Variants in CSMD1 observed in about 807,000 individuals in gnomAD.
The protein encoded by CSMD1 is CUB and sushi domain-containing protein 1.
CSMD1 carries 213 observed loss-of-function variants against 417.5 expected under a neutral mutation model. That is an observed-to-expected ratio of 0.51 (90% CI 0.46 to 0.57). The LOEUF (loss-of-function observed/expected upper bound fraction) is 0.57, where lower values mean the gene tolerates loss of function less well. Ranked by LOEUF, CSMD1 falls within the 20% of genes least tolerant of loss-of-function variation. The pLI, the probability that CSMD1 is intolerant of heterozygous loss-of-function variation, is 0.00. For synonymous variants in CSMD1, 2,862 were observed against 1,736.8 expected (o/e 1.65, Z -16.11); for missense variants, 6,923 against 4,529.7 (o/e 1.53, Z -15.17).
At chr8:3,874,122 G>A (rs534976959) in intron 5 of CSMD1, among the ~76,000 whole-genome samples, 5 of 152,238 alleles carry the variant, frequency 3.3e-5, no homozygotes, top group African/African-American at 9.6e-5. Context: ...CTCTCTCCAG[G>A]AGGCCTACCC....
At chr8:4,406,111 G>C (rs114921703) in intron 3 of CSMD1, among the ~76,000 whole-genome samples, 6 of 152,198 alleles carry the variant, frequency 3.9e-5, no homozygotes, top group Non-Finnish European at 5.9e-5. Flanking sequence ...ATTTCACAGC[G>C]GAACCAAACA....
At chr8:4,979,660 G>C (rs931108749) in intron 1 of CSMD1, among the ~76,000 whole-genome samples, 3 of 152,202 alleles carry the variant, frequency 2.0e-5, no homozygotes, top group African/African-American at 7.2e-5. Context: ...AAATATGTTG[G>C]TGTGGTGAAA....
intron 3 of CSMD1, among the ~76,000 whole-genome samples, chr8:4,259,087 G>A (rs151189998): frequency 1.3e-5 from 2 of 152,254 alleles, no homozygotes; most frequent in East Asian, 3.9e-4. Context: ...TGATTTTGAT[G>A]TAGCATTTAC....
chr8:4,884,108 G>A (rs1396147201), intron 1 of CSMD1, among the ~76,000 whole-genome samples: 2 of 151,964 alleles, frequency 1.3e-5, no homozygotes, highest in Admixed American at 6.6e-5. Context: ...TTTCCAGAAG[G>A]TGATCTGTCT....
intron 2 of CSMD1, among the ~76,000 whole-genome samples, chr8:4,590,387 A>G (rs1423025523): frequency 2.0e-5 from 3 of 152,274 alleles, no homozygotes; most frequent in South Asian, 2.1e-4. Context: ...ACATGCGAAG[A>G]TACTGAAAGG....
chr8:4,138,399 C>CGTAA (rs1803569401), intron 3 of CSMD1, among the ~76,000 whole-genome samples: 1 of 151,572 alleles, frequency 6.6e-6, no homozygotes, highest in Non-Finnish European at 1.5e-5. Context: ...TGCCTCCTTA[C>CGTAA]GTCCAGTTCT....
intron 1 of CSMD1, among the ~76,000 whole-genome samples, chr8:4,757,907 C>T (rs1033180269): frequency 6.2e-5 from 9 of 144,956 alleles, no homozygotes; most frequent in Non-Finnish European, 8.9e-5. Flanking sequence ...TGAAGGGAGC[C>T]GACATTGTGC....
intron 10 of CSMD1, among the ~76,000 whole-genome samples, chr8:3,540,287 G>T (rs1047758592): frequency 6.6e-6 from 1 of 152,166 alleles, no homozygotes; most frequent in African/African-American, 2.4e-5. Flanking sequence ...TTGGCAAACA[G>T]AGTTGAATAG....
chr8:4,917,812 G>A (rs1806172862), intron 1 of CSMD1, among the ~76,000 whole-genome samples: 1 of 152,098 alleles, frequency 6.6e-6, no homozygotes. Flanking sequence ...GATAGGAACA[G>A]AGTGTGGCAG....
intron 3 of CSMD1, among the ~76,000 whole-genome samples, chr8:4,269,095 C>G (rs991400908): frequency 2.0e-5 from 3 of 152,140 alleles, no homozygotes; most frequent in African/African-American, 7.2e-5. Flanking sequence ...CTCACTTTGT[C>G]GCCCAGGCTG....
chr8:4,041,846 G>C (rs960920996), intron 3 of CSMD1, among the ~76,000 whole-genome samples: 9 of 152,054 alleles, frequency 5.9e-5, no homozygotes, highest in African/African-American at 1.9e-4. Context: ...TGAACATCTA[G>C]AGTTAAAACC....
chr8:4,161,653 G>A lies in CSMD1; in HGVS notation c.416-129554C>T, dbSNP rs555073449. ...CAAAAGTTTAATGTGTTCTTCCAACGTCAACAACAGCCATAAAAATTATTA... is the reference window on the plus strand; with the variant it reads ...CAAAAGTTTAATGTGTTCTTCCAACATCAACAACAGCCATAAAAATTATTA... On this transcript the variant is annotated intron_variant, in intron 3 of 69. Coordinates refer to ENST00000635120, the MANE Select transcript of CSMD1 (RefSeq NM_033225.6). Among the ~76,000 whole-genome samples, 50 of 152,136 alleles carry A rather than the reference G, an allele frequency of 3.3e-4. No homozygotes were observed. In the Middle Eastern group the frequency reaches 0.014, roughly 41 times the overall value.
At chr8:3,716,585 G>C (rs569333318) in intron 6 of CSMD1, among the ~76,000 whole-genome samples, 1 of 152,102 alleles carries the variant, frequency 6.6e-6, no homozygotes, top group Non-Finnish European at 1.5e-5. Context: ...ATTTGCGCCG[G>C]CTTCTTTACT....
intron 2 of CSMD1, among the ~76,000 whole-genome samples, chr8:4,612,504 A>C (rs996005137): frequency 6.6e-6 from 1 of 152,188 alleles, no homozygotes; most frequent in African/African-American, 2.4e-5. Context: ...CAACAGGCAA[A>C]TTGTGGCCTC....
intron 1 of CSMD1, among the ~76,000 whole-genome samples, chr8:4,853,291 T>G (rs77707269): frequency 6.6e-6 from 1 of 152,042 alleles, no homozygotes; most frequent in Non-Finnish European, 1.5e-5. Context: ...GAAAGAACAA[T>G]TTTATGGGTG....
chr8:3,645,405 G>A (rs774705412), intron 7 of CSMD1, among the ~76,000 whole-genome samples: 1 of 152,228 alleles, frequency 6.6e-6, no homozygotes, highest in African/African-American at 2.4e-5. Context: ...GGCTTCGGGT[G>A]TCTGGGTACC....
intron 4 of CSMD1, among the ~76,000 whole-genome samples, chr8:4,019,723 T>G (rs558352530): frequency 1.2e-4 from 18 of 152,180 alleles, no homozygotes; most frequent in Non-Finnish European, 1.9e-4. Context: ...CACGTGGGTA[T>G]GAATGTGCCT....
intron 3 of CSMD1, among the ~76,000 whole-genome samples, chr8:4,313,571 G>C (rs539308148): frequency 2.7e-5 from 4 of 150,634 alleles, no homozygotes; most frequent in Non-Finnish European, 4.4e-5. Flanking sequence ...GGGAGGGAAA[G>C]AAGAATGTTG....
chr8:4,795,742 CT>C (rs1204756457), intron 1 of CSMD1, among the ~76,000 whole-genome samples: 5 of 152,120 alleles, frequency 3.3e-5, no homozygotes, highest in Non-Finnish European at 7.4e-5. Flanking sequence ...CTCCAGGGCT[CT>C]TGTCAGTTAC....
Sources: allele counts gnomAD v4.1 joint callset (sites outside exome capture counted in the v4.1 genomes callset), GRCh38; gene constraint gnomAD v4.1.1; transcripts MANE v1.5; gene names NCBI Gene and HGNC (gene_info 2026-07-23, HGNC 2026-07-21).